RYR2: variants seen among roughly 807,000 people sequenced by gnomAD.
RYR2 encodes ryanodine receptor 2, also known as cardiac muscle ryanodine receptor-calcium release channel.
A neutral mutation model predicts 601.1 loss-of-function variants in RYR2; 227 were observed. That is an observed-to-expected ratio of 0.38 (90% CI 0.34 to 0.42). The LOEUF (loss-of-function observed/expected upper bound fraction) is 0.42. Among genes scored for constraint, RYR2 ranks in the 10% least tolerant of loss-of-function variants. RYR2 has a pLI of 1.00. For missense variants in RYR2, 4,646 were observed against 6,156.5 expected (o/e 0.75, Z 8.21); for synonymous variants, 2,223 against 2,175.1 (o/e 1.02, Z -0.61).
At position 237,413,073 on chromosome 1, in the gene RYR2, A is replaced by T. The variant is rs560151351; in HGVS notation, c.774-3976A>T. 2.8e-4 allele frequency among the ~76,000 whole-genome samples: 43 copies of T among 152,230 alleles called. 1 individual carries two copies. Among genetic ancestry groups the T allele is most frequent in the Middle Eastern group, 3.4e-3 (1 of 294 alleles). ...GGACTGAAATTCCTATTTATTTAAG[A>T]TCTTGATATTGTGGTGCCAATTTTC... On this transcript the variant is annotated intron_variant, in intron 10 of 104. Transcript: ENST00000366574.
At chr1:237,306,797 T>G (rs898608361) in intron 2 of RYR2, among the ~76,000 whole-genome samples, 10 of 152,170 alleles carry the variant, frequency 6.6e-5, no homozygotes, top group African/African-American at 2.4e-4. Context: ...ATTTGGGGCA[T>G]GAAAGGTTAG....
chr1:237,283,053 T>C (rs535256319), intron 2 of RYR2, among the ~76,000 whole-genome samples: 8 of 152,214 alleles, frequency 5.3e-5, no homozygotes, highest in African/African-American at 1.7e-4. Flanking sequence ...AAACCTCCAG[T>C]TGGGTTTTAA....
In RYR2 at chr1:237,614,964, T is replaced by A; in HGVS notation, c.5715+121T>A. The A allele has an allele frequency of 9.8e-7, 1 of 1,021,404 alleles. No homozygotes were observed. Among genetic ancestry groups the A allele is most frequent in the Non-Finnish European group, 1.4e-6 (1 of 720,772 alleles). 63.3% of individuals were successfully genotyped at this position (1,021,404 alleles called of 1,614,324 possible). On this transcript the variant is annotated intron_variant, in intron 37 of 104. Coordinates refer to ENST00000366574, the MANE Select transcript of RYR2 (RefSeq NM_001035.3). The surrounding 1 kb of genome is among the most constrained non-coding windows in gnomAD (Gnocchi z 4.3). ...TCTTTGCATTCCTGTGTAATGGTAG[T>A]TCTTCATAAAATTAACTAACTTCCT...
At chr1:237,263,592 C>T (rs1208325533) in intron 1 of RYR2, among the ~76,000 whole-genome samples, 4 of 152,126 alleles carry the variant, frequency 2.6e-5, no homozygotes, top group African/African-American at 4.8e-5. Context: ...AAATAAAATG[C>T]GTAGGCTCAC....
At chr1:237,356,036 T>G in intron 4 of RYR2, 51 bp downstream of exon 4, 4 of 1,512,202 alleles carry the variant, frequency 2.6e-6, no homozygotes, top group Non-Finnish European at 3.6e-6. Flanking sequence ...AAGTGCATGC[T>G]TGCTCTCGCC....
intron 27 of RYR2, among the ~76,000 whole-genome samples, chr1:237,562,343 A>G (rs1671541477): frequency 6.6e-6 from 1 of 152,240 alleles, no homozygotes; most frequent in Admixed American, 6.5e-5. Flanking sequence ...CTAGATATGT[A>G]TAAAATTTTA....
chr1:237,672,052 T>C (rs1428696746), intron 58 of RYR2, among the ~76,000 whole-genome samples: 1 of 152,140 alleles, frequency 6.6e-6, no homozygotes, highest in Non-Finnish European at 1.5e-5. Flanking sequence ...GCACAAGATG[T>C]CTACACCCAT....
At chr1:237,112,156 C>G (rs1669551751) in intron 1 of RYR2, among the ~76,000 whole-genome samples, 1 of 152,168 alleles carries the variant, frequency 6.6e-6, no homozygotes, top group Admixed American at 6.5e-5. Flanking sequence ...CTTTTGTTGT[C>G]CAGGCTAGGT....
intron 1 of RYR2, among the ~76,000 whole-genome samples, chr1:237,162,491 TACTC>T (rs889613890): frequency 7.9e-5 from 12 of 152,104 alleles, no homozygotes; most frequent in East Asian, 1.9e-4. Context: ...CTATCAATAT[TACTC>T]AACAACAACA....
chr1:237,393,330 C>T (rs1303596041), intron 10 of RYR2, among the ~76,000 whole-genome samples: 1 of 152,128 alleles, frequency 6.6e-6, no homozygotes, highest in Non-Finnish European at 1.5e-5. Flanking sequence ...GTATGCATGA[C>T]AAGATTTTTA....
At chr1:237,074,735 T>C (rs1458370440) in intron 1 of RYR2, among the ~76,000 whole-genome samples, 1 of 152,182 alleles carries the variant, frequency 6.6e-6, no homozygotes, top group African/African-American at 2.4e-5. Context: ...AGAGTCTGTC[T>C]TGTGCCTGGA....
intron 6 of RYR2, among the ~76,000 whole-genome samples, chr1:237,371,874 A>G (rs2149768549): frequency 6.6e-6 from 1 of 152,234 alleles, no homozygotes; most frequent in African/African-American, 2.4e-5. Context: ...AGGAAGGGGA[A>G]CATCACACAC....
chr1:237,294,649 ATG>A (rs1468851864), intron 2 of RYR2, among the ~76,000 whole-genome samples: 7 of 152,270 alleles, frequency 4.6e-5, no homozygotes, highest in Admixed American at 3.9e-4. Flanking sequence ...AATTGCAAAT[ATG>A]TGTGTGTGTA....
chr1:237,340,280 A>T (rs115836291), intron 3 of RYR2, among the ~76,000 whole-genome samples: 101 of 152,318 alleles, frequency 6.6e-4, no homozygotes, highest in African/African-American at 2.3e-3. Context: ...TCATTCGTAC[A>T]GTGTTCATTC....
At chr1:237,727,364 G>A (rs1345356185) in intron 76 of RYR2, among the ~76,000 whole-genome samples, 165 bp downstream of exon 76, 5 of 152,138 alleles carry the variant, frequency 3.3e-5, no homozygotes, top group East Asian at 3.9e-4. Context: ...GGATATTTTC[G>A]GAGAACTGTG....
chr1:237,329,407 C>T (rs993526974), intron 2 of RYR2, among the ~76,000 whole-genome samples: 5 of 151,896 alleles, frequency 3.3e-5, no homozygotes, highest in South Asian at 2.1e-4. Flanking sequence ...TTTGGGAGGC[C>T]GAGGTGGGGC....
At chr1:237,772,845 C>T (rs932889683) in intron 86 of RYR2, among the ~76,000 whole-genome samples, 1 of 151,674 alleles carries the variant, frequency 6.6e-6, no homozygotes, top group African/African-American at 2.4e-5. Flanking sequence ...TTGCTGAAAA[C>T]ACATTTGTCA....
intron 1 of RYR2, among the ~76,000 whole-genome samples, chr1:237,091,839 G>A (rs1208979549): frequency 1.3e-5 from 2 of 152,198 alleles, no homozygotes; most frequent in African/African-American, 2.4e-5. Flanking sequence ...TAATGTGGCA[G>A]CCACCAGCCA....
rs369612535 is a variant in RYR2, at chr1:237,610,839, C to T, written c.4761C>T (p.His1587=). 2.7e-5 allele frequency: 43 copies of T among 1,613,006 alleles called. No homozygotes were observed. The African/African-American group carries it at 3.1e-4, about 12-fold the overall frequency. ...TGCCGCAGTGCCCCCCGCGCCTCCA[C>T]GTGCAGTTCCTGTCACACGTCCTGT... ...NPVPQCPPRL[H]VQFLSHVLWS... Residue 1587 remains histidine, a synonymous_variant, in exon 36 of 105, where the codon CAC becomes CAT. Transcript: ENST00000366574. The surrounding 1 kb of genome is among the most constrained non-coding windows in gnomAD (Gnocchi z 4.9).
Sources: gnomAD v4.1 joint callset for allele counts (sites outside exome capture counted in the v4.1 genomes callset) on GRCh38, gnomAD v4.1.1 for gene constraint, Gnocchi (gnomAD v3.1) non-coding constraint, MANE v1.5 for transcripts, NCBI Gene and HGNC (gene_info 2026-07-23, HGNC 2026-07-21) for gene names.